SLC44A5: variants seen among roughly 807,000 people sequenced by gnomAD.
SLC44A5 encodes choline transporter-like protein 5.
In SLC44A5, 57 loss-of-function variants were observed where a neutral mutation model predicts 101.8. The ratio of observed to expected loss-of-function variants is 0.56; its 90% CI spans 0.45 to 0.70. The LOEUF (loss-of-function observed/expected upper bound fraction) is 0.70. SLC44A5 is among the 30% of genes least tolerant of loss of function. SLC44A5 has a pLI of 0.00. For missense variants in SLC44A5, 737 were observed against 853.1 expected (o/e 0.86, Z 1.70); for synonymous variants, 281 against 290.9 (o/e 0.97, Z 0.35).
At chr1:75,580,301 T>C (rs1673611771) in intron 1 of SLC44A5, among the ~76,000 whole-genome samples, 1 of 152,158 alleles carries the variant, frequency 6.6e-6, no homozygotes, top group African/African-American at 2.4e-5. Flanking sequence ...CAGTAAAACA[T>C]GCAGCATTCT....
chr1:75,461,235 C>T (rs935601619), intron 2 of SLC44A5, among the ~76,000 whole-genome samples: 11 of 152,250 alleles, frequency 7.2e-5, no homozygotes, highest in African/African-American at 2.2e-4. Context: ...CACAGATAAT[C>T]GAGCACATTA....
At chr1:75,398,342 T>A (rs1294231664) in intron 2 of SLC44A5, 1 of 983,228 alleles carries the variant, frequency 1.0e-6, no homozygotes, top group Non-Finnish European at 1.2e-6. Context: ...CTATATAAAC[T>A]AGTAAATTTC....
intron 4 of SLC44A5, among the ~76,000 whole-genome samples, chr1:75,330,251 A>C (rs1656947492): frequency 6.6e-6 from 1 of 150,960 alleles, no homozygotes; most frequent in Non-Finnish European, 1.5e-5. Context: ...CCATTCCCAA[A>C]ATGTGTGCTG....
chr1:75,287,426 CTTT>C (rs371647505), intron 5 of SLC44A5, among the ~76,000 whole-genome samples: 1 of 69,910 alleles, frequency 1.4e-5, no homozygotes, highest in Non-Finnish European at 2.5e-5. Context: ...CTTCTGAATT[CTTT>C]TTTTTTTTTT....
intron 13 of SLC44A5, among the ~76,000 whole-genome samples, chr1:75,226,244 G>T (rs1355550166): frequency 6.6e-6 from 1 of 152,076 alleles, no homozygotes; most frequent in Admixed American, 6.5e-5. Flanking sequence ...GTTTGATACA[G>T]TATTTTTTTT....
At chr1:75,523,601 C>CCACCATATAACCTGGG (rs1447588708) in intron 2 of SLC44A5, among the ~76,000 whole-genome samples, 1 of 152,260 alleles carries the variant, frequency 6.6e-6, no homozygotes, top group East Asian at 1.9e-4. Flanking sequence ...GGATTACAGG[C>CCACCATATAACCTGGG]GTGAGCCACC....
the SLC44A5 span, among the ~76,000 whole-genome samples, chr1:75,684,418 C>A: frequency 6.6e-6 from 1 of 152,142 alleles, no homozygotes; most frequent in East Asian, 1.9e-4. Flanking sequence ...AGTCCAAAGT[C>A]TCATCTGAAA....
intron 12 of SLC44A5, among the ~76,000 whole-genome samples, chr1:75,231,554 C>G (rs1009170969): frequency 6.6e-6 from 1 of 152,152 alleles, no homozygotes; most frequent in Non-Finnish European, 1.5e-5. Context: ...TTCAAGTCCT[C>G]TTTCCTCAAT....
intron 2 of SLC44A5, among the ~76,000 whole-genome samples, chr1:75,518,825 T>C (rs190391185): frequency 7.2e-5 from 11 of 152,280 alleles, no homozygotes; most frequent in Admixed American, 3.9e-4. Context: ...GTCAGATTAG[T>C]AGTTGCCTAG....
intron 22 of SLC44A5, among the ~76,000 whole-genome samples, chr1:75,213,221 C>A (rs1646893669): frequency 6.6e-6 from 1 of 152,142 alleles, no homozygotes; most frequent in South Asian, 2.1e-4. Flanking sequence ...TTCCAAGGAA[C>A]CCAGTCTCTA....
rs757169258 is a variant in SLC44A5, at chr1:75,242,941, T to C, written c.416A>G (p.Lys139Arg). ...VEMQLLYTKD[K>R]SYWEDYRQFC... ...CTGACGGTAGTCTTCCCAGTAGCTT[T>C]TGTCTTTTGTGTACAAAAGTTGCAT... The change falls in exon 8 of 24, where the codon AAA (lysine) becomes AGA (arginine). Residue 139 changes from lysine (K) to arginine (R), a missense_variant. Physicochemically the swap from Lys to Arg is conservative, Grantham distance 26. Coordinates refer to ENST00000370859, the MANE Select transcript of SLC44A5 (RefSeq NM_001130058.2). 3 of 1,612,656 alleles carry C rather than the reference T, an allele frequency of 1.9e-6. No homozygotes were observed.
chr1:75,641,275 T>C, the SLC44A5 span: 13 of 591,392 alleles, frequency 2.2e-5, no homozygotes, highest in African/African-American at 1.1e-4. Flanking sequence ...TTAAGAACAC[T>C]TTTGTTAAGA....
At chr1:75,346,034 T>A (rs189587017) in intron 3 of SLC44A5, among the ~76,000 whole-genome samples, 2 of 152,198 alleles carry the variant, frequency 1.3e-5, no homozygotes, top group East Asian at 3.9e-4. Context: ...CCCTACATCA[T>A]CACCTAATGA....
At chr1:75,208,157 G>A (rs753414490) in intron 23 of SLC44A5, among the ~76,000 whole-genome samples, 4 of 152,016 alleles carry the variant, frequency 2.6e-5, no homozygotes, top group African/African-American at 4.8e-5. Context: ...ACAAATCTTC[G>A]GTTTTTTGTT....
chr1:75,262,216 T>C (rs915185239), intron 6 of SLC44A5, among the ~76,000 whole-genome samples: 4 of 152,240 alleles, frequency 2.6e-5, no homozygotes, highest in South Asian at 2.1e-4. Flanking sequence ...GCAGATGACA[T>C]GATTGTATAT....
intron 5 of SLC44A5, among the ~76,000 whole-genome samples, chr1:75,291,983 G>C (rs1211126079): frequency 1.4e-5 from 2 of 147,040 alleles, no homozygotes; most frequent in African/African-American, 5.0e-5. Flanking sequence ...CTGCACTCCA[G>C]CCTGGGTGAC....
chr1:75,587,359 C>T (rs769442282), intron 1 of SLC44A5, among the ~76,000 whole-genome samples: 12 of 152,202 alleles, frequency 7.9e-5, no homozygotes, highest in Non-Finnish European at 1.6e-4. Context: ...ATTTTGCAAC[C>T]TGAGGCTCAA....
At chr1:75,437,105 A>G (rs1302346246) in intron 2 of SLC44A5, among the ~76,000 whole-genome samples, 1 of 152,182 alleles carries the variant, frequency 6.6e-6, no homozygotes, top group African/African-American at 2.4e-5. Context: ...TTTAAAAAAT[A>G]AGTAGAATAA....
At position 75,222,471 on chromosome 1, in the gene SLC44A5, G is replaced by GAAAAAA. The variant is rs536959270; in HGVS notation, c.986-17_986-12dup. Reference sequence around the variant, plus strand: ...TGCAGAGTATTATCACTTTGAACAGGAAAAAAAAAATCAGTCTGTAATACA... The same window carrying GAAAAAA: ...TGCAGAGTATTATCACTTTGAACAGGAAAAAAAAAAAAAAAATCAGTCTGTAATACA... On this transcript the variant is annotated splice_polypyrimidine_tract_variant and intron_variant, in intron 13 of 23. Transcript: ENST00000370859. 1 of 1,454,072 alleles carries GAAAAAA rather than the reference G, an allele frequency of 6.9e-7. No individual in the cohort carries two copies. The highest frequency in any genetic ancestry group is 9.4e-7 in the Non-Finnish European group (1 of 1,065,614). The allele number at this position is 1,454,072 out of a possible 1,614,324, so 90.1% of individuals were successfully genotyped here. A position where few individuals can be genotyped will look rare whatever the true frequency, so the allele number is the denominator to read the frequency against.
Sources: gnomAD v4.1 joint callset for allele counts (sites outside exome capture counted in the v4.1 genomes callset) on GRCh38, gnomAD v4.1.1 for gene constraint, MANE v1.5 for transcripts, NCBI Gene and HGNC (gene_info 2026-07-23, HGNC 2026-07-21) for gene names.